The following COL4A2 variants were observed in gnomAD, a reference collection of about 807,000 sequenced individuals.
COL4A2 encodes the protein collagen type IV alpha 2 chain.
Under a neutral mutation model 200.2 loss-of-function variants are expected in COL4A2, and 99 were observed. That is an observed-to-expected ratio of 0.49 (90% CI 0.42 to 0.58). The LOEUF (loss-of-function observed/expected upper bound fraction) is 0.58. Among genes scored for constraint, COL4A2 ranks in the 20% least tolerant of loss-of-function variants. COL4A2 has a pLI of 0.00. For missense variants in COL4A2, 1,950 were observed against 2,314.1 expected, an observed-to-expected ratio of 0.84 and a Z score of 3.23; for synonymous variants, 897 against 900.6, an observed-to-expected ratio of 1.00 and a Z score of 0.07.
intron 3 of COL4A2, among the ~76,000 whole-genome samples, chr13:110,355,175 G>A (rs965495538): frequency 1.3e-5 from 2 of 152,366 alleles, no homozygotes; most frequent in Admixed American, 6.5e-5. Flanking sequence ...CCTTGTCCAG[G>A]GTCCCTTAGG....
intron 4 of COL4A2, among the ~76,000 whole-genome samples, chr13:110,403,334 T>C (rs1879443750): frequency 6.6e-6 from 1 of 152,222 alleles, no homozygotes; most frequent in African/African-American, 2.4e-5. Flanking sequence ...TCAAGAAAAG[T>C]CATGCCACAC....
At chr13:110,423,713 C>T (rs71440060) in intron 4 of COL4A2, among the ~76,000 whole-genome samples, 3,512 of 152,280 alleles carry the variant, frequency 0.023, 51 homozygotes, top group Non-Finnish European at 0.035. Flanking sequence ...AAAACACTGC[C>T]TCCCCCTGTC....
chr13:110,362,777 A>T (rs189804111), intron 4 of COL4A2, among the ~76,000 whole-genome samples: 182 of 152,368 alleles, frequency 1.2e-3, no homozygotes, highest in Non-Finnish European at 2.2e-3. Context: ...AAAGCAGTAG[A>T]GGGGCAGATA....
At chr13:110,488,550 C>G (rs1483376769) in intron 34 of COL4A2, among the ~76,000 whole-genome samples, 1 of 152,202 alleles carries the variant, frequency 6.6e-6, no homozygotes, top group African/African-American at 2.4e-5. Flanking sequence ...AAGTCTCCCT[C>G]TGTGCACAGA....
intron 35 of COL4A2, 46 bp from the exon 36 acceptor site, chr13:110,489,665 C>G: frequency 6.2e-7 from 1 of 1,611,490 alleles, no homozygotes; most frequent in Non-Finnish European, 8.5e-7. Context: ...CTCACAAAGT[C>G]CCAGTGGAAA....
chr13:110,458,384 C>G, intron 21 of COL4A2: 6 of 313,862 alleles, frequency 1.9e-5, no homozygotes, highest in South Asian at 1.5e-4. Context: ...CTTGCCCTCC[C>G]TGACGGCTCC....
chr13:110,501,528 C>A, intron 40 of COL4A2, 140 bp from the exon 41 acceptor site: 6 of 620,224 alleles, frequency 9.7e-6, no homozygotes, highest in Non-Finnish European at 1.7e-5. Flanking sequence ...ATGAGATGTT[C>A]CTTGGCCTGA....
chr13:110,327,450 G>C (rs4771663), intron 3 of COL4A2, among the ~76,000 whole-genome samples: 144,372 of 152,330 alleles, frequency 0.95, 68,854 homozygotes, highest in East Asian at 1. Context: ...CCAACCAGCC[G>C]TCCCAGCAGG....
At chr13:110,435,758 T>C (rs1880848326) in intron 12 of COL4A2, among the ~76,000 whole-genome samples, 1 of 152,232 alleles carries the variant, frequency 6.6e-6, no homozygotes, top group South Asian at 2.1e-4. Context: ...CATCAAAAAG[T>C]GTTTTCTGCT....
chr13:110,506,681 C>G (rs1422376153), intron 46 of COL4A2, 75 bp downstream of exon 46: 1 of 1,431,612 alleles, frequency 7.0e-7, no homozygotes, highest in Non-Finnish European at 9.3e-7. Context: ...AGGGCCACAG[C>G]GAGACTCCCA....
intron 29 of COL4A2, among the ~76,000 whole-genome samples, chr13:110,474,403 A>G (rs1882597186): frequency 6.6e-6 from 1 of 152,192 alleles, no homozygotes; most frequent in African/African-American, 2.4e-5. Flanking sequence ...ATTCCTAGCA[A>G]GGCCTGGAAG....
chr13:110,356,493 A>T (rs1424481791), intron 3 of COL4A2, among the ~76,000 whole-genome samples: 3 of 152,158 alleles, frequency 2.0e-5, no homozygotes, highest in African/African-American at 7.2e-5. Context: ...TGGGTGTCCC[A>T]TGAGGGAGCC....
At chr13:110,408,633 T>C (rs1197303787) in intron 4 of COL4A2, among the ~76,000 whole-genome samples, 1 of 152,092 alleles carries the variant, frequency 6.6e-6, no homozygotes, top group Non-Finnish European at 1.5e-5. Flanking sequence ...GATGCGCTGG[T>C]GTGGAAGGCC....
intron 11 of COL4A2, among the ~76,000 whole-genome samples, chr13:110,433,201 G>C (rs1017249305): frequency 1.3e-5 from 2 of 152,218 alleles, no homozygotes; most frequent in South Asian, 2.1e-4. Context: ...CACAGCTTCC[G>C]GTTGGCTGGA....
intron 3 of COL4A2, among the ~76,000 whole-genome samples, chr13:110,318,450 G>A (rs537392826): frequency 3.3e-5 from 5 of 152,264 alleles, no homozygotes; most frequent in Admixed American, 6.5e-5. Context: ...TATATGAGAC[G>A]TTCAGTACGA....
rs775569965 is a variant in COL4A2, at chr13:110,462,354, C to T, written c.1746C>T (p.Leu582=). The T allele has an allele frequency of 3.7e-6, 6 of 1,613,870 alleles. No homozygotes were observed. The highest frequency in any genetic ancestry group is 2.2e-5 in the East Asian group (1 of 44,880). Residue 582 remains leucine (L), a synonymous_variant, in exon 24 of 48, where the codon CTC becomes CTT. Coordinates refer to ENST00000360467, the MANE Select transcript of COL4A2 (RefSeq NM_001846.4). Reference sequence around the variant, plus strand: ...ATGGCAGCCCAGGCCGCGATGGGCTCGATGGATTCCCCGGCCTCCCAGGCC... The same window carrying T: ...ATGGCAGCCCAGGCCGCGATGGGCTTGATGGATTCCCCGGCCTCCCAGGCC... ...GDDGSPGRDG[L]DGFPGLPGPP...
At chr13:110,511,806 C>T in intron 47 of COL4A2, 128 bp from the exon 48 acceptor site, 6 of 1,463,044 alleles carry the variant, frequency 4.1e-6, no homozygotes, top group Non-Finnish European at 5.5e-6. Flanking sequence ...GAGGATGCCT[C>T]ATGTCCGTAT....
chr13:110,432,462 T>C, intron 11 of COL4A2, 102 bp downstream of exon 11: 1 of 1,371,988 alleles, frequency 7.3e-7, no homozygotes. Flanking sequence ...CAACTATTTA[T>C]TGTTTATATT....
chr13:110,431,696 C>T (rs866677507), intron 10 of COL4A2, among the ~76,000 whole-genome samples: 74 of 152,208 alleles, frequency 4.9e-4, no homozygotes, highest in African/African-American at 1.4e-3. Flanking sequence ...TCCTCAGCTG[C>T]TCTGACAGCT....
Sources: allele counts gnomAD v4.1 joint callset (sites outside exome capture counted in the v4.1 genomes callset), GRCh38; gene constraint gnomAD v4.1.1; transcripts MANE v1.5; gene names NCBI Gene and HGNC (gene_info 2026-07-23, HGNC 2026-07-21).